KCNC1: variants seen among roughly 807,000 people sequenced by gnomAD.
KCNC1 encodes potassium voltage-gated channel subfamily C member 1, also known as voltage-gated potassium channel KCNC1.
A neutral mutation model predicts 43.4 loss-of-function variants in KCNC1; 8 were observed. The ratio of observed to expected loss-of-function variants is 0.18; its 90% CI spans 0.11 to 0.33. The LOEUF is 0.33. Among genes scored for constraint, KCNC1 ranks in the 10% least tolerant of loss-of-function variants. The pLI, the probability that KCNC1 is intolerant of heterozygous loss-of-function variation, is 1.00. For missense variants in KCNC1, 420 were observed against 836.0 expected (o/e 0.50, Z 6.14); for synonymous variants, 361 against 360.5 (o/e 1.00, Z -0.01).
At chr11:17,746,599 AG>A (rs1848902675) in intron 1 of KCNC1, among the ~76,000 whole-genome samples, 1 of 151,914 alleles carries the variant, frequency 6.6e-6, no homozygotes, top group South Asian at 2.1e-4. Flanking sequence ...GGAAAGTTCT[AG>A]GCATTAGTCA....
intron 2 of KCNC1, chr11:17,775,418 T>C: frequency 3.0e-6 from 3 of 985,564 alleles, no homozygotes; most frequent in Non-Finnish European, 3.6e-6. Context: ...GTGCTGTGGC[T>C]GGCATGGCCT....
At chr11:17,774,161 A>G in intron 2 of KCNC1, 2 of 985,528 alleles carry the variant, frequency 2.0e-6, no homozygotes, top group Non-Finnish European at 2.4e-6. Context: ...GGTGCCTGAG[A>G]GGAACATGGC....
At chr11:17,740,230 C>G (rs1223174690) in intron 1 of KCNC1, among the ~76,000 whole-genome samples, 1 of 152,170 alleles carries the variant, frequency 6.6e-6, no homozygotes, top group Non-Finnish European at 1.5e-5. Flanking sequence ...GGGCATCAGC[C>G]TGAGGGGATG....
chr11:17,760,611 C>G (rs1416516339), intron 1 of KCNC1, among the ~76,000 whole-genome samples: 1 of 152,196 alleles, frequency 6.6e-6, no homozygotes, highest in Non-Finnish European at 1.5e-5. Flanking sequence ...CTAGGGCCCT[C>G]TGTACCTGCT....
chr11:17,750,777 T>G (rs1459161570), intron 1 of KCNC1, among the ~76,000 whole-genome samples: 2 of 152,230 alleles, frequency 1.3e-5, no homozygotes, highest in Non-Finnish European at 2.9e-5. Context: ...GGATGCTTCC[T>G]GCTAGGCCGG....
At chr11:17,778,171 G>A (rs139474376) in intron 2 of KCNC1, among the ~76,000 whole-genome samples, 96 of 152,282 alleles carry the variant, frequency 6.3e-4, no homozygotes, top group African/African-American at 2.0e-3. Flanking sequence ...GGGCAGGTTC[G>A]GTCCTCAAGA....
chr11:17,737,589 G>A (rs560213939), intron 1 of KCNC1, among the ~76,000 whole-genome samples: 1 of 152,248 alleles, frequency 6.6e-6, no homozygotes, highest in African/African-American at 2.4e-5. Context: ...GAACATCAGT[G>A]ACTGAGCCCA....
chr11:17,738,164 C>T (rs1848792000), intron 1 of KCNC1, among the ~76,000 whole-genome samples: 1 of 152,148 alleles, frequency 6.6e-6, no homozygotes, highest in South Asian at 2.1e-4. Flanking sequence ...AAGACTAGAA[C>T]TCAATTCTCC....
At chr11:17,762,815 C>T (rs761788479) in intron 1 of KCNC1, among the ~76,000 whole-genome samples, 3 of 152,150 alleles carry the variant, frequency 2.0e-5, no homozygotes, top group African/African-American at 4.8e-5. Flanking sequence ...GCTGCGCCTT[C>T]GTCTCTCCAT....
intron 1 of KCNC1, among the ~76,000 whole-genome samples, chr11:17,743,118 A>G (rs538709020): frequency 2.0e-5 from 3 of 152,290 alleles, no homozygotes; most frequent in Non-Finnish European, 2.9e-5. Flanking sequence ...TCATTTATTA[A>G]TAATTCTCAC....
chr11:17,781,504 T>C lies in KCNC1; in HGVS notation c.1694-166T>C. On this transcript the variant is annotated intron_variant, in intron 3 of 3. Coordinates refer to ENST00000265969, the MANE Select transcript of KCNC1 (RefSeq NM_001112741.2). The surrounding 1 kb of genome is among the most constrained non-coding windows in gnomAD (Gnocchi z 5.1). ...CCAGGAGGGAGAGAAAGAGGCGTGC[T>C]AGGCTGGCTCAGTGCATGGGCAAAC... The C allele has an allele frequency of 3.3e-6, 2 of 602,312 alleles. No homozygotes were observed. The highest frequency in any genetic ancestry group is 4.2e-5 in the South Asian group (2 of 47,828). The allele number at this position is 602,312 out of a possible 1,614,324, so 37.3% of individuals were successfully genotyped here.
chr11:17,763,547 C>T (rs1443416946), intron 1 of KCNC1, among the ~76,000 whole-genome samples: 3 of 147,972 alleles, frequency 2.0e-5, no homozygotes, highest in Admixed American at 6.7e-5. Flanking sequence ...ACACACAGAC[C>T]CCCACACCAC....
intron 1 of KCNC1, among the ~76,000 whole-genome samples, chr11:17,749,193 G>T (rs112250621): frequency 1.1e-4 from 17 of 152,336 alleles, no homozygotes; most frequent in African/African-American, 3.8e-4. Context: ...AGGGGATAAC[G>T]AGAGTCCCTA....
At chr11:17,748,843 C>T (rs2133786105) in intron 1 of KCNC1, among the ~76,000 whole-genome samples, 1 of 152,072 alleles carries the variant, frequency 6.6e-6, no homozygotes, top group Admixed American at 6.5e-5. Context: ...GCATGGAGGG[C>T]CGTAATGAGG....
Position 17,739,366 on chromosome 11 carries a change from T to C in KCNC1, c.570+2794T>C, listed in dbSNP as rs1203073700. ...GAATAAATGTGAGACTCCAGGCGTG[T>C]GTGTGTGTGTGTGTGTGTGTGTGTG... On this transcript the variant is annotated intron_variant, in intron 1 of 3. Coordinates refer to ENST00000265969, the MANE Select transcript of KCNC1 (RefSeq NM_001112741.2). This position sits in a 1 kb window ranked among gnomAD's most constrained non-coding sequence, Gnocchi z 4.2. 1.2e-4 allele frequency among the ~76,000 whole-genome samples: 1 copy of C among 8,278 alleles called. No individual in the cohort carries two copies. The highest frequency in any genetic ancestry group is 1.5e-4 in the African/African-American group (1 of 6,466). The allele number at this position is 8,278 out of a possible 152,430, so 5.4% of individuals were successfully genotyped here.
rs1848817056 is a variant in KCNC1 at position 17,739,702 on chromosome 11, T to TAC, written c.570+3132_570+3133dup. ...GTGTGTGTGTGTGTGTGTGTGTGTG[T>TAC]ACATGCGTGTACACATAAGGCAGGA... is the stretch of plus-strand genomic sequence containing the variant. On this transcript the variant is annotated intron_variant, in intron 1 of 3. Transcript: ENST00000265969. This position sits in a 1 kb window ranked among gnomAD's most constrained non-coding sequence, Gnocchi z 4.2. Among the ~76,000 whole-genome samples, 1 of 147,538 alleles carries TAC rather than the reference T, an allele frequency of 6.8e-6. No homozygotes were observed. The highest frequency in any genetic ancestry group is 2.5e-5 in the African/African-American group (1 of 39,992).
intron 2 of KCNC1, chr11:17,774,180 T>C: frequency 1.0e-6 from 1 of 985,528 alleles, no homozygotes; most frequent in Non-Finnish European, 1.2e-6. Flanking sequence ...GCCAGGGGTC[T>C]CCGAGGCTGA....
chr11:17,782,354 A>G lies in KCNC1; in HGVS notation c.*620A>G, dbSNP rs1487207153. 1 of 152,150 alleles carries G rather than the reference A, an allele frequency of 6.6e-6. No homozygotes were observed. The highest frequency in any genetic ancestry group is 2.4e-5 in the African/African-American group (1 of 41,428). 9.4% of individuals were successfully genotyped at this position (152,150 alleles called of 1,614,324 possible). A position where few individuals can be genotyped will look rare whatever the true frequency, so the allele number is the denominator to read the frequency against. On this transcript the variant is annotated 3_prime_UTR_variant, in exon 4 of 4. Transcript: ENST00000265969. ...CGTGGAAACTGAGAACTTTGCTCCA[A>G]ATAGAATTGTGGAAACTCGCACGGC...
intron 1 of KCNC1, among the ~76,000 whole-genome samples, chr11:17,764,257 A>C (rs1006699622): frequency 1.3e-4 from 17 of 128,392 alleles, no homozygotes; most frequent in Non-Finnish European, 2.3e-4. Context: ...ACACACACAC[A>C]CACCACCGCA....
Sources: gnomAD v4.1 joint callset for allele counts (sites outside exome capture counted in the v4.1 genomes callset) on GRCh38, gnomAD v4.1.1 for gene constraint, Gnocchi (gnomAD v3.1) non-coding constraint, MANE v1.5 for transcripts, NCBI Gene and HGNC (gene_info 2026-07-23, HGNC 2026-07-21) for gene names.